The following GCM1 variants were observed in gnomAD, a reference collection of about 807,000 sequenced individuals.
GCM1 encodes the protein GCM transcription factor 1, also known as chorion-specific transcription factor GCMa.
Under a neutral mutation model 25.7 loss-of-function variants are expected in GCM1, and 2 were observed. That is an observed-to-expected ratio of 0.08 (90% CI 0.03 to 0.24). The LOEUF (loss-of-function observed/expected upper bound fraction) is 0.24. Among genes scored for constraint, GCM1 ranks in the 10% least tolerant of loss-of-function variants. The probability of loss-of-function intolerance (pLI) is 1.00; values close to 1 mark genes in which losing one functional copy is unlikely to be tolerated. For synonymous variants in GCM1, 183 were observed against 195.7 expected (o/e 0.94, Z 0.54); for missense variants, 395 against 538.7 (o/e 0.73, Z 2.64).
rs1052335162 is a variant in GCM1, at chr6:53,145,056, G to A, written c.75+502C>T. ...AGGCAGGAAGGCAAGGCAAGGCGAA[G>A]GAAAGGGAAGAAAGAAGAGGAAAAA... On this transcript the variant is annotated intron_variant, in intron 2 of 5. Coordinates refer to ENST00000259803, the MANE Select transcript of GCM1 (RefSeq NM_003643.4). 3.9e-5 allele frequency among the ~76,000 whole-genome samples: 6 copies of A among 152,118 alleles called. 1 individual carries two copies. In the South Asian group the frequency reaches 1.2e-3, roughly 32 times the overall value.
chr6:53,143,834 G>A (rs1763914031), intron 2 of GCM1, among the ~76,000 whole-genome samples: 1 of 148,820 alleles, frequency 6.7e-6, no homozygotes, highest in Non-Finnish European at 1.5e-5. Context: ...GGGGTGGTGA[G>A]AGGGGTAGAG....
intron 1 of GCM1, among the ~76,000 whole-genome samples, chr6:53,147,045 A>G (rs111331627): frequency 0.075 from 11,420 of 152,168 alleles, 1,086 homozygotes; most frequent in African/African-American, 0.22. Context: ...AAAAATAAAT[A>G]AATGAATGAA....
intron 4 of GCM1, among the ~76,000 whole-genome samples, chr6:53,131,332 A>G (rs1562087572): frequency 6.6e-6 from 1 of 152,220 alleles, no homozygotes; most frequent in African/African-American, 2.4e-5. Context: ...AACCTCCTCT[A>G]GAAGTGAGGG....
chr6:53,137,519 G>A (rs893699234), intron 2 of GCM1, among the ~76,000 whole-genome samples: 1 of 152,280 alleles, frequency 6.6e-6, no homozygotes, highest in East Asian at 1.9e-4. Flanking sequence ...CAGGAATAGC[G>A]GCTCACACCT....
intron 2 of GCM1, among the ~76,000 whole-genome samples, chr6:53,141,415 C>T (rs1182838321): frequency 3.3e-5 from 5 of 152,150 alleles, no homozygotes; most frequent in Admixed American, 6.5e-5. Context: ...GGGCCGGGTG[C>T]GGTGGCTCAC....
chr6:53,135,906 G>A (rs1255372933), intron 2 of GCM1, among the ~76,000 whole-genome samples: 3 of 152,244 alleles, frequency 2.0e-5, no homozygotes, highest in African/African-American at 7.2e-5. Context: ...TTTGTAACTT[G>A]AGACTCTGGG....
At chr6:53,145,967 AC>A (rs1486070688) in intron 1 of GCM1, among the ~76,000 whole-genome samples, 199 bp from the exon 2 acceptor site, 3 of 151,926 alleles carry the variant, frequency 2.0e-5, no homozygotes, top group Non-Finnish European at 4.4e-5. Flanking sequence ...CACTGCTTTC[AC>A]CCTTGGGTTT....
chr6:53,145,398 C>T lies in GCM1; in HGVS notation c.75+160G>A, dbSNP rs533818837. On this transcript the variant is annotated intron_variant, in intron 2 of 5. Coordinates refer to ENST00000259803, the MANE Select transcript of GCM1 (RefSeq NM_003643.4). ...ACACTCAAATCATAGGTCTTGCCAT[C>T]TCTTCTTAAAATCCCTCAGTCGGCT... Among the ~76,000 whole-genome samples the T allele has an allele frequency of 3.3e-5, 5 of 152,304 alleles. No individual in the cohort carries two copies. The South Asian group carries it at 1.0e-3, about 32-fold the overall frequency.
intron 4 of GCM1, 41 bp downstream of exon 4, chr6:53,131,966 T>C: frequency 9.1e-7 from 1 of 1,100,284 alleles, no homozygotes; most frequent in Non-Finnish European, 1.4e-6. Context: ...GTGAAACTCC[T>C]CAGTAATGAA....
intron 2 of GCM1, among the ~76,000 whole-genome samples, chr6:53,142,104 T>C (rs1210104211): frequency 7.1e-6 from 1 of 141,744 alleles, no homozygotes; most frequent in Non-Finnish European, 1.5e-5. Context: ...ACTTGAAGCA[T>C]GTGAAAGGAT....
intron 1 of GCM1, among the ~76,000 whole-genome samples, chr6:53,146,212 ATATATTT>A (rs1330604714): frequency 1.1e-3 from 64 of 57,842 alleles, no homozygotes; most frequent in African/African-American, 4.2e-3. Flanking sequence ...ATATATATAT[ATATATTT>A]TTTTTTTTTT....
Position 53,128,903 on chromosome 6 carries a change from G to A in GCM1, c.614C>T (p.Thr205Ile). Reference protein sequence around the residue: ...ETQSQGSLPLTWSFQEGVQLP... With the variant: ...ETQSQGSLPLIWSFQEGVQLP... ...TTGGACGCCTTCCTGGAAAGACCAA[G>A]TTAAAGGTAAACTCCCCTGACTTTG... Residue 205 changes from threonine (T) to isoleucine (I), a missense_variant, in exon 6 of 6, where the codon ACT becomes ATT. Coordinates refer to ENST00000259803, the MANE Select transcript of GCM1 (RefSeq NM_003643.4). 6.2e-7 allele frequency: 1 copy of A among 1,613,188 alleles called. No individual in the cohort carries two copies.
chr6:53,147,425 GTTTTTTT>G (rs70980807), intron 1 of GCM1, among the ~76,000 whole-genome samples: 2 of 93,574 alleles, frequency 2.1e-5, no homozygotes, highest in East Asian at 3.0e-4. Flanking sequence ...AGTTTTTATT[GTTTTTTT>G]TTTTTTTTTT....
chr6:53,128,889 C>T lies in GCM1; in HGVS notation c.628G>A (p.Glu210Lys), dbSNP rs767355404. 1 of 1,612,450 alleles carries T rather than the reference C, an allele frequency of 6.2e-7. No homozygotes were observed. The highest frequency in any genetic ancestry group is 8.5e-7 in the Non-Finnish European group (1 of 1,178,516). ...GSLPLTWSFQ[E>K]GVQLPGSYSG... Reference sequence around the variant, plus strand: ...TAACTACCAGGCAATTGGACGCCTTCCTGGAAAGACCAAGTTAAAGGTAAA... The same window carrying T: ...TAACTACCAGGCAATTGGACGCCTTTCTGGAAAGACCAAGTTAAAGGTAAA... Residue 210 changes from glutamate (E) to lysine (K), a missense_variant, in exon 6 of 6, where the codon GAA (glutamate) becomes AAA (lysine). By Grantham distance (56) the Glu-to-Lys change is moderately conservative. This residue lies in a region of GCM1 where 291 missense variants were observed against 314.6 expected (regional missense o/e 0.92). Coordinates refer to ENST00000259803, the MANE Select transcript of GCM1 (RefSeq NM_003643.4).
At position 53,147,425 on chromosome 6, in the gene GCM1, GTTTTTTTTTTT is replaced by G. The variant is rs70980807; in HGVS notation, c.-137+1318_-137+1328del. On this transcript the variant is annotated intron_variant, in intron 1 of 5. Transcript: ENST00000259803. Reference sequence around the variant, plus strand: ...TGAACTCTTTTCTTTAGTTTTTATTGTTTTTTTTTTTTTTTTTTTTTTAATGGAGTCTTACT... The same window carrying G: ...TGAACTCTTTTCTTTAGTTTTTATTGTTTTTTTTTTTAATGGAGTCTTACT... Among the ~76,000 whole-genome samples the G allele has an allele frequency of 6.4e-5, 6 of 93,574 alleles. 1 individual carries two copies. Among genetic ancestry groups the G allele is most frequent in the Non-Finnish European group, 1.3e-4 (6 of 47,668 alleles). 61.4% of individuals were successfully genotyped at this position (93,574 alleles called of 152,430 possible).
In GCM1 at chr6:53,146,700, T is replaced by C. The variant is rs74474781; in HGVS notation, c.-136-932A>G. ...ACATTTTGGACCAGATAATTCTTTG[T>C]TGTGGGGAGCTTTTTTCATGTTGTA... On this transcript the variant is annotated intron_variant, in intron 1 of 5. Transcript: ENST00000259803. 7.2e-3 allele frequency among the ~76,000 whole-genome samples: 1,092 copies of C among 152,276 alleles called. 17 individuals are homozygous for C. Among genetic ancestry groups the C allele is most frequent in the African/African-American group, 0.025 (1,018 of 41,544 alleles).
rs966216322 is a variant in GCM1 at position 53,128,769 on chromosome 6, G to T, written c.748C>A (p.Leu250Met). ...TCCACAGTGGAAGTCTGGTCAGTCAGATCTGTGATTCCTCCCAGACCATAA... is the reference window on the plus strand; with the variant it reads ...TCCACAGTGGAAGTCTGGTCAGTCATATCTGTGATTCCTCCCAGACCATAA... ...KSYGLGGITD[L>M]TDQTSTVDPM... Residue 250 changes from leucine to methionine, a missense_variant, in exon 6 of 6, where the codon CTG becomes ATG. Leu to Met is a conservative substitution (Grantham distance 15). This residue lies in a region of GCM1 where 291 missense variants were observed against 314.6 expected (regional missense o/e 0.92). Coordinates refer to ENST00000259803, the MANE Select transcript of GCM1 (RefSeq NM_003643.4). 2 of 1,613,252 alleles carry T rather than the reference G, an allele frequency of 1.2e-6. No homozygotes were observed. Among genetic ancestry groups the T allele is most frequent in the African/African-American group, 2.7e-5 (2 of 75,038 alleles).
intron 1 of GCM1, among the ~76,000 whole-genome samples, chr6:53,146,672 T>C (rs1387996634): frequency 6.6e-6 from 1 of 152,216 alleles, no homozygotes; most frequent in African/African-American, 2.4e-5. Context: ...TTTGGCACTA[T>C]TGACATTTTG....
intron 2 of GCM1, among the ~76,000 whole-genome samples, chr6:53,144,701 G>A (rs1042127385): frequency 6.6e-6 from 1 of 151,930 alleles, no homozygotes; most frequent in African/African-American, 2.4e-5. Context: ...GATCACTTGA[G>A]CCCAGGAGTT....
Sources: gnomAD v4.1 joint callset for allele counts (sites outside exome capture counted in the v4.1 genomes callset) on GRCh38, gnomAD v4.1.1 for gene constraint, gnomAD v4.1.1 regional missense constraint, MANE v1.5 for transcripts, NCBI Gene and HGNC (gene_info 2026-07-23, HGNC 2026-07-21) for gene names.